FMN2: variants seen among roughly 807,000 people sequenced by gnomAD.
FMN2 encodes the protein formin-2.
FMN2 carries 51 observed loss-of-function variants against 142.3 expected under a neutral mutation model. The ratio of observed to expected loss-of-function variants is 0.36; its 90% CI spans 0.29 to 0.45. FMN2 has a LOEUF of 0.45. FMN2 is among the 20% of genes least tolerant of loss of function. The probability of loss-of-function intolerance (pLI) is 1.00; values close to 1 mark genes in which losing one functional copy is unlikely to be tolerated. For missense variants in FMN2, 1,936 were observed against 2,122.8 expected, an observed-to-expected ratio of 0.91 and a Z score of 1.73; for synonymous variants, 882 against 869.8, an observed-to-expected ratio of 1.01 and a Z score of -0.25.
At position 240,262,824 on chromosome 1, in the gene FMN2, A is replaced by T. The variant is rs185831714; in HGVS notation, c.4153+4792A>T. On this transcript the variant is annotated intron_variant, in intron 7 of 17. Transcript: ENST00000319653. Reference sequence around the variant, plus strand: ...TCATCCAGGCATAGTTCAGTGGCGCAATCTCAGCTCACTACAATCTCCGCC... The same window carrying T: ...TCATCCAGGCATAGTTCAGTGGCGCTATCTCAGCTCACTACAATCTCCGCC... Among the ~76,000 whole-genome samples, 11 of 144,504 alleles carry T rather than the reference A, an allele frequency of 7.6e-5. No individual in the cohort carries two copies. In the East Asian group the frequency reaches 2.3e-3, roughly 30 times the overall value. The allele number at this position is 144,504 out of a possible 152,430, so 94.8% of individuals were successfully genotyped here. A position where few individuals can be genotyped will look rare whatever the true frequency, so the allele number is the denominator to read the frequency against.
chr1:240,383,977 A>G (rs1673317197), intron 14 of FMN2, among the ~76,000 whole-genome samples: 1 of 152,042 alleles, frequency 6.6e-6, no homozygotes, highest in African/African-American at 2.4e-5. Context: ...TCATAAAAAG[A>G]ATAAAATTGT....
intron 1 of FMN2, among the ~76,000 whole-genome samples, chr1:240,094,454 G>A (rs1661129212): frequency 6.6e-6 from 1 of 152,170 alleles, no homozygotes; most frequent in African/African-American, 2.4e-5. Flanking sequence ...TCAAAAGCAC[G>A]TCTAGTCCAA....
rs1325956142 is a variant in FMN2 at position 240,207,657 on chromosome 1, C to CCCCTTCCTCCCCCTCTTG, written c.2847_2848insCTTCCTCCCCCTCTTGCC (p.Pro949_Gly950insLeuProProProLeuAla). On this transcript the variant is annotated inframe_insertion, in exon 5 of 18. Coordinates refer to ENST00000319653, the MANE Select transcript of FMN2 (RefSeq NM_020066.5). ...GGGAATACCTCCTCCGCCCCCTCTA[C>CCCCTTCCTCCCCCTCTTG]CCGGAGCGGCAATACCCCCTCCGCC... 1 of 1,501,344 alleles carries CCCCTTCCTCCCCCTCTTG rather than the reference C, an allele frequency of 6.7e-7. No individual in the cohort carries two copies. The highest frequency in any genetic ancestry group is 1.2e-5 in the South Asian group (1 of 85,002). 93.0% of individuals were successfully genotyped at this position (1,501,344 alleles called of 1,614,324 possible).
At chr1:240,098,970 C>G (rs1661316275) in intron 1 of FMN2, among the ~76,000 whole-genome samples, 1 of 152,186 alleles carries the variant, frequency 6.6e-6, no homozygotes, top group Non-Finnish European at 1.5e-5. Context: ...GTTATTCTAA[C>G]TACGTTTATT....
chr1:240,426,561 G>C (rs1243979842), intron 15 of FMN2, among the ~76,000 whole-genome samples: 1 of 152,042 alleles, frequency 6.6e-6, no homozygotes, highest in South Asian at 2.1e-4. Flanking sequence ...ATAGTACAGT[G>C]ACCCTCCATT....
intron 7 of FMN2, among the ~76,000 whole-genome samples, chr1:240,271,503 T>A (rs1205648163): frequency 2.6e-5 from 4 of 151,812 alleles, no homozygotes; most frequent in Admixed American, 6.6e-5. Flanking sequence ...CCTTTTTTTT[T>A]AAAGTGTTTT....
At chr1:240,311,156 G>A (rs544868679) in intron 8 of FMN2, among the ~76,000 whole-genome samples, 4 of 152,214 alleles carry the variant, frequency 2.6e-5, no homozygotes, top group African/African-American at 9.6e-5. Flanking sequence ...GATTTCACAG[G>A]CATACTTTAT....
intron 8 of FMN2, among the ~76,000 whole-genome samples, chr1:240,298,221 C>A (rs16839760): frequency 0.14 from 21,633 of 152,082 alleles, 1,983 homozygotes; most frequent in African/African-American, 0.25. Flanking sequence ...GGGTGATTCA[C>A]AATTATTAGT....
chr1:240,183,533 G>A (rs572250138), intron 3 of FMN2, among the ~76,000 whole-genome samples: 4 of 149,344 alleles, frequency 2.7e-5, no homozygotes, highest in Admixed American at 6.7e-5. Flanking sequence ...GTATGTGCAT[G>A]CATGTATGTG....
Position 240,330,613 on chromosome 1 carries a change from A to T in FMN2, c.4448A>T (p.Asn1483Ile). Residue 1483 changes from asparagine to isoleucine, a missense_variant, in exon 11 of 18, where the codon AAT (asparagine) becomes ATT (isoleucine). Asn to Ile is a moderately radical substitution (Grantham distance 149, BLOSUM62 -3). Around this residue, in one of 8 missense-constraint regions of FMN2, gnomAD observed 322 missense variants for 401.6 expected, o/e 0.80. Transcript: ENST00000319653. ...TATTCTGTTTTACAGACATTAAAAA[A>T]TGGCCCAGGGGTTATGCAGGTTCTA... ...LLQKLCETLKNGPGVMQVLGL... is the reference protein window; with the variant it reads ...LLQKLCETLKIGPGVMQVLGL... 6.2e-7 allele frequency: 1 copy of T among 1,612,406 alleles called. No homozygotes were observed. Among genetic ancestry groups the T allele is most frequent in the Non-Finnish European group, 8.5e-7 (1 of 1,179,522 alleles).
At position 240,475,047 on chromosome 1, in the gene FMN2, C is replaced by T. The variant is rs1051418304; in HGVS notation, c.*893C>T. The T allele has an allele frequency of 5.9e-5, 9 of 152,392 alleles. No individual in the cohort carries two copies. The highest frequency in any genetic ancestry group is 8.8e-5 in the Non-Finnish European group (6 of 67,986). 9.4% of individuals were successfully genotyped at this position (152,392 alleles called of 1,614,324 possible). ...TCAGTCCCTCCAGTGTGTATATTACCATTCTCCAATGAAATAATAGGGCAT... is the reference window on the plus strand; with the variant it reads ...TCAGTCCCTCCAGTGTGTATATTACTATTCTCCAATGAAATAATAGGGCAT... On this transcript the variant is annotated 3_prime_UTR_variant, in exon 18 of 18. Coordinates refer to ENST00000319653, the MANE Select transcript of FMN2 (RefSeq NM_020066.5).
chr1:240,278,064 G>A (rs1486015410), intron 7 of FMN2, among the ~76,000 whole-genome samples: 2 of 152,164 alleles, frequency 1.3e-5, no homozygotes, highest in African/African-American at 4.8e-5. Flanking sequence ...TAATTCAAAT[G>A]TACTTATCAG....
intron 16 of FMN2, among the ~76,000 whole-genome samples, chr1:240,448,576 G>C (rs1488838418): frequency 1.3e-5 from 2 of 152,144 alleles, no homozygotes; most frequent in Non-Finnish European, 2.9e-5. Flanking sequence ...AGCACTTTGG[G>C]AGGCTGAGGG....
intron 6 of FMN2, among the ~76,000 whole-genome samples, chr1:240,253,750 G>A (rs1257537638): frequency 1.3e-5 from 2 of 152,188 alleles, no homozygotes; most frequent in African/African-American, 4.8e-5. Flanking sequence ...TGCTTTTATA[G>A]GGGAGGACTT....
intron 7 of FMN2, among the ~76,000 whole-genome samples, chr1:240,273,019 A>T (rs1245464618): frequency 7.0e-6 from 1 of 143,160 alleles, no homozygotes; most frequent in Non-Finnish European, 1.5e-5. Context: ...TAGATTATAA[A>T]GGAAAGAATT....
chr1:240,125,163 C>A (rs1385131242), intron 2 of FMN2, among the ~76,000 whole-genome samples: 4 of 152,096 alleles, frequency 2.6e-5, no homozygotes, highest in Non-Finnish European at 5.9e-5. Flanking sequence ...TCTTCTTTAC[C>A]CATTACAGCC....
rs951412861 is a variant in FMN2, at chr1:240,436,461, G to A, written c.4911-1600G>A. On this transcript the variant is annotated intron_variant, in intron 15 of 17. Transcript: ENST00000319653. ...AGTAGCTGTGAATGTTTGTTTTTACGTGTGAATGCTCTGACTCTTTTATCT... is the reference window on the plus strand; with the variant it reads ...AGTAGCTGTGAATGTTTGTTTTTACATGTGAATGCTCTGACTCTTTTATCT... Among the ~76,000 whole-genome samples, 17 of 152,156 alleles carry A rather than the reference G, an allele frequency of 1.1e-4. No individual in the cohort carries two copies. In the East Asian group the frequency reaches 1.9e-3, roughly 17 times the overall value.
At chr1:240,136,485 TG>T (rs1290457598) in intron 2 of FMN2, among the ~76,000 whole-genome samples, 1 of 152,200 alleles carries the variant, frequency 6.6e-6, no homozygotes, top group African/African-American at 2.4e-5. Flanking sequence ...TCTTCATGAT[TG>T]TTTTTTCCTC....
intron 2 of FMN2, chr1:240,145,442 A>G (rs1366835931): frequency 1.9e-5 from 6 of 313,676 alleles, no homozygotes; most frequent in Non-Finnish European, 2.9e-5. Context: ...TGTATATATT[A>G]TAGGGGAAAA....
Sources: gnomAD v4.1 joint callset for allele counts (sites outside exome capture counted in the v4.1 genomes callset) on GRCh38, gnomAD v4.1.1 for gene constraint, gnomAD v4.1.1 regional missense constraint, MANE v1.5 for transcripts, NCBI Gene and HGNC (gene_info 2026-07-23, HGNC 2026-07-21) for gene names.